SDK1: variants seen among roughly 807,000 people sequenced by gnomAD.
SDK1 encodes protein sidekick-1.
In SDK1, 157 loss-of-function variants were observed where a neutral mutation model predicts 245.5. That is an observed-to-expected ratio of 0.64 (90% CI 0.56 to 0.73). SDK1 has a LOEUF of 0.73. SDK1 is among the 30% of genes least tolerant of loss of function. SDK1 has a pLI of 0.00. For missense variants in SDK1, 3,583 were observed against 3,002.3 expected (o/e 1.19, Z -4.52); for synonymous variants, 1,647 against 1,278.5 (o/e 1.29, Z -6.15).
At position 3,466,580 on chromosome 7, in the gene SDK1, T is replaced by C. The variant is rs1318101662; in HGVS notation, c.299-152500T>C. 2.0e-5 allele frequency among the ~76,000 whole-genome samples: 3 copies of C among 150,966 alleles called. No homozygotes were observed. In the East Asian group the frequency reaches 5.9e-4, roughly 29 times the overall value. On this transcript the variant is annotated intron_variant, in intron 1 of 44. Coordinates refer to ENST00000404826, the MANE Select transcript of SDK1 (RefSeq NM_152744.4). ...GTTTACTCATCTTCATCCACTCTTATCTCGATATGAGGATATCTGTTTTTT... is the reference window on the plus strand; with the variant it reads ...GTTTACTCATCTTCATCCACTCTTACCTCGATATGAGGATATCTGTTTTTT...
intron 1 of SDK1, among the ~76,000 whole-genome samples, chr7:3,436,074 G>A (rs181362819): frequency 6.6e-6 from 1 of 152,308 alleles, no homozygotes; most frequent in East Asian, 1.9e-4. Flanking sequence ...ATCCATGATT[G>A]TTCAAAATAG....
chr7:3,390,552 A>G (rs1781723364), intron 1 of SDK1, among the ~76,000 whole-genome samples: 1 of 152,216 alleles, frequency 6.6e-6, no homozygotes, highest in Non-Finnish European at 1.5e-5. Flanking sequence ...GATGTAATTA[A>G]ATAAGATGAG....
At chr7:3,890,076 C>G (rs1415696805) in intron 5 of SDK1, among the ~76,000 whole-genome samples, 1 of 152,250 alleles carries the variant, frequency 6.6e-6, no homozygotes, top group Non-Finnish European at 1.5e-5. Context: ...GGGAGACCGT[C>G]TGTCCCTCAT....
rs2128211426 is a variant in SDK1 at position 4,158,641 on chromosome 7, G to A, written c.4729+90G>A. 3.4e-6 allele frequency: 3 copies of A among 873,220 alleles called. No homozygotes were observed. In the East Asian group the frequency reaches 7.5e-5, roughly 22 times the overall value. The allele number at this position is 873,220 out of a possible 1,614,324, so 54.1% of individuals were successfully genotyped here. A position where few individuals can be genotyped will look rare whatever the true frequency, so the allele number is the denominator to read the frequency against. ...CACACTTTCGTCTTGAGCCAGAAAG[G>A]GGCCACCAGGGAGTGGTGGAAAGCA... On this transcript the variant is annotated intron_variant, in intron 31 of 44. Coordinates refer to ENST00000404826, the MANE Select transcript of SDK1 (RefSeq NM_152744.4).
At chr7:3,391,212 C>T (rs1399529901) in intron 1 of SDK1, among the ~76,000 whole-genome samples, 1 of 152,062 alleles carries the variant, frequency 6.6e-6, no homozygotes. Context: ...TGTTTGTTTT[C>T]TTGTAATATT....
chr7:3,739,157 A>G (rs1196592130), intron 4 of SDK1, among the ~76,000 whole-genome samples: 1 of 152,162 alleles, frequency 6.6e-6, no homozygotes, highest in Admixed American at 6.5e-5. Context: ...ATGAGAAGTC[A>G]TTCATTCATC....
In SDK1 at chr7:3,789,936, C is replaced by T. The variant is rs1583415836; in HGVS notation, c.714-31514C>T. ...TGGGGGGTTGGGGGCGGGTAGGGGG[C>T]AAGTGGCAGGAGTGGTGGGAAGTTT... On this transcript the variant is annotated intron_variant, in intron 4 of 44. Coordinates refer to ENST00000404826, the MANE Select transcript of SDK1 (RefSeq NM_152744.4). 2.6e-5 allele frequency among the ~76,000 whole-genome samples: 4 copies of T among 152,130 alleles called. 1 individual carries two copies. The highest frequency in any genetic ancestry group is 9.6e-5 in the African/African-American group (4 of 41,502).
At chr7:3,844,644 G>A (rs1245620335) in intron 5 of SDK1, among the ~76,000 whole-genome samples, 1 of 152,166 alleles carries the variant, frequency 6.6e-6, no homozygotes, top group East Asian at 1.9e-4. Context: ...ATTTCAACAA[G>A]GAAGAGTTTA....
At chr7:4,234,661 G>A (rs13230816) in intron 41 of SDK1, among the ~76,000 whole-genome samples, 50 of 152,196 alleles carry the variant, frequency 3.3e-4, no homozygotes, top group Non-Finnish European at 4.9e-4. Flanking sequence ...GCACCTTAGG[G>A]TTGCTTGAGA....
intron 4 of SDK1, among the ~76,000 whole-genome samples, chr7:3,694,683 G>A (rs1444459167): frequency 6.6e-6 from 1 of 152,046 alleles, no homozygotes; most frequent in African/African-American, 2.4e-5. Context: ...GATGTTCTGG[G>A]GAACATTTGA....
chr7:4,134,981 A>C (rs1010906820), intron 28 of SDK1: 4 of 151,948 alleles, frequency 2.6e-5, no homozygotes, highest in African/African-American at 9.7e-5. Context: ...CTTTCTGAGG[A>C]CTCACGCCGA....
chr7:3,755,253 A>G (rs981722285), intron 4 of SDK1, among the ~76,000 whole-genome samples: 21 of 152,034 alleles, frequency 1.4e-4, no homozygotes, highest in African/African-American at 4.6e-4. Flanking sequence ...TGGGGAGCGT[A>G]TTTGGCTTCC....
At chr7:3,722,821 T>G (rs1387023266) in intron 4 of SDK1, among the ~76,000 whole-genome samples, 3 of 152,184 alleles carry the variant, frequency 2.0e-5, no homozygotes, top group Admixed American at 6.5e-5. Context: ...GGGTGGGCTT[T>G]CTGGCTCACA....
At chr7:4,029,020 A>C (rs541878162) in intron 17 of SDK1, among the ~76,000 whole-genome samples, 160 of 151,138 alleles carry the variant, frequency 1.1e-3, no homozygotes, top group African/African-American at 3.9e-3. Context: ...GGGTGTGCTC[A>C]AAGTGCGGCA....
chr7:3,861,245 G>C (rs1243943501), intron 5 of SDK1, among the ~76,000 whole-genome samples: 2 of 152,172 alleles, frequency 1.3e-5, no homozygotes, highest in Non-Finnish European at 2.9e-5. Context: ...TATATGCAAA[G>C]GTCAGTGAAG....
At chr7:3,932,260 C>T (rs1182365815) in intron 5 of SDK1, among the ~76,000 whole-genome samples, 1 of 152,184 alleles carries the variant, frequency 6.6e-6, no homozygotes, top group Non-Finnish European at 1.5e-5. Context: ...TAGGAGGGAT[C>T]TTAGCTGTGC....
At chr7:4,153,820 G>A (rs1457965020) in intron 30 of SDK1, among the ~76,000 whole-genome samples, 1 of 151,452 alleles carries the variant, frequency 6.6e-6, no homozygotes, top group Non-Finnish European at 1.5e-5. Context: ...AAGACTACAG[G>A]CATATGCTAT....
intron 5 of SDK1, among the ~76,000 whole-genome samples, chr7:3,916,026 G>A (rs1779364449): frequency 6.6e-6 from 1 of 152,176 alleles, no homozygotes. Context: ...TTTTGTCAAG[G>A]TTGAGGGCAC....
intron 22 of SDK1, among the ~76,000 whole-genome samples, chr7:4,090,296 C>T (rs1477715527): frequency 1.3e-5 from 2 of 152,186 alleles, no homozygotes; most frequent in African/African-American, 4.8e-5. Context: ...GTTTGTCATC[C>T]ATTAATATTT....
Sources: gnomAD v4.1 joint callset for allele counts (sites outside exome capture counted in the v4.1 genomes callset) on GRCh38, gnomAD v4.1.1 for gene constraint, MANE v1.5 for transcripts, NCBI Gene and HGNC (gene_info 2026-07-23, HGNC 2026-07-21) for gene names.